PPM1H: variants seen among roughly 807,000 people sequenced by gnomAD.
PPM1H encodes protein phosphatase 1H.
PPM1H carries 27 observed loss-of-function variants against 54.9 expected under a neutral mutation model. The ratio of observed to expected loss-of-function variants is 0.49; its 90% CI spans 0.36 to 0.68. The LOEUF is 0.68. PPM1H is among the 30% of genes least tolerant of loss of function. The pLI is 0.00. For synonymous variants in PPM1H, 305 were observed against 270.8 expected, an observed-to-expected ratio of 1.13 and a Z score of -1.24; for missense variants, 596 against 667.8, an observed-to-expected ratio of 0.89 and a Z score of 1.19.
chr12:62,806,675 A>G (rs1160568137), intron 2 of PPM1H, among the ~76,000 whole-genome samples: 4 of 152,124 alleles, frequency 2.6e-5, no homozygotes, highest in Non-Finnish European at 5.9e-5. Flanking sequence ...CTGGCCATGT[A>G]AGATGTGCCT....
rs550385176 is a variant in PPM1H, at chr12:62,803,854, T to C, written c.412-1694A>G. 5.3e-5 allele frequency among the ~76,000 whole-genome samples: 8 copies of C among 152,158 alleles called. No homozygotes were observed. In the South Asian group the frequency reaches 1.7e-3, roughly 32 times the overall value. ...ACACAAGAAACTCCTACAATTCTATTGCAAACAAAACAAAACAAGCAAGCC... is the reference window on the plus strand; with the variant it reads ...ACACAAGAAACTCCTACAATTCTATCGCAAACAAAACAAAACAAGCAAGCC... On this transcript the variant is annotated intron_variant, in intron 2 of 9. Coordinates refer to ENST00000228705, the MANE Select transcript of PPM1H (RefSeq NM_020700.2).
intron 8 of PPM1H, among the ~76,000 whole-genome samples, chr12:62,678,103 T>C (rs1204984840): frequency 1.3e-5 from 2 of 152,136 alleles, no homozygotes; most frequent in Non-Finnish European, 2.9e-5. Flanking sequence ...CACACTACCA[T>C]GCCTGGCTAA....
chr12:62,734,335 A>G (rs1006660546), intron 5 of PPM1H, among the ~76,000 whole-genome samples: 3 of 152,262 alleles, frequency 2.0e-5, no homozygotes, highest in Middle Eastern at 3.4e-3. Flanking sequence ...ATGAAGACAG[A>G]TTTGTAGTGG....
chr12:62,656,820 G>T (rs1356360276), intron 9 of PPM1H, among the ~76,000 whole-genome samples: 1 of 152,118 alleles, frequency 6.6e-6, no homozygotes, highest in Non-Finnish European at 1.5e-5. Context: ...TGGAATGTTG[G>T]CAGGGGTCTA....
chr12:62,697,857 C>A (rs1240493618), intron 6 of PPM1H, among the ~76,000 whole-genome samples: 2 of 151,862 alleles, frequency 1.3e-5, no homozygotes, highest in African/African-American at 4.8e-5. Context: ...TACGAGATAG[C>A]AAAACTGAAA....
intron 4 of PPM1H, among the ~76,000 whole-genome samples, chr12:62,757,134 T>G (rs1332058484): frequency 6.6e-6 from 1 of 152,056 alleles, no homozygotes; most frequent in Non-Finnish European, 1.5e-5. Flanking sequence ...GAAGCCTCAG[T>G]GGGTTGGCTT....
At chr12:62,858,106 A>C in intron 1 of PPM1H, among the ~76,000 whole-genome samples, 1 of 145,794 alleles carries the variant, frequency 6.9e-6, no homozygotes, top group African/African-American at 2.6e-5. Flanking sequence ...GCCCCCTACC[A>C]CTCCCCAGAT....
intron 4 of PPM1H, among the ~76,000 whole-genome samples, chr12:62,761,888 G>A (rs2076511409): frequency 6.6e-6 from 1 of 152,200 alleles, no homozygotes; most frequent in Admixed American, 6.5e-5. Context: ...ACTGACCTCT[G>A]CAGACTGGTG....
At chr12:62,801,024 C>T (rs988945815) in intron 3 of PPM1H, among the ~76,000 whole-genome samples, 1 of 152,190 alleles carries the variant, frequency 6.6e-6, no homozygotes, top group African/African-American at 2.4e-5. Flanking sequence ...GATATTGGCC[C>T]CTGGCTCTGT....
chr12:62,732,736 T>C (rs2076329717), intron 5 of PPM1H, among the ~76,000 whole-genome samples: 1 of 152,048 alleles, frequency 6.6e-6, no homozygotes, highest in South Asian at 2.1e-4. Flanking sequence ...TACGCCCGGC[T>C]AATTTTTTTG....
At chr12:62,707,626 C>A (rs561351287) in intron 6 of PPM1H, among the ~76,000 whole-genome samples, 4 of 152,280 alleles carry the variant, frequency 2.6e-5, no homozygotes, top group Middle Eastern at 6.8e-3. Flanking sequence ...ATAAAATAGA[C>A]CCTGAAATGT....
At chr12:62,684,776 A>G (rs1261186299) in intron 8 of PPM1H, among the ~76,000 whole-genome samples, 2 of 152,122 alleles carry the variant, frequency 1.3e-5, no homozygotes, top group Non-Finnish European at 1.5e-5. Context: ...TGGGATAATG[A>G]GAGAGGAAGT....
At chr12:62,804,615 T>C (rs2076793390) in intron 2 of PPM1H, among the ~76,000 whole-genome samples, 1 of 151,946 alleles carries the variant, frequency 6.6e-6, no homozygotes, top group Admixed American at 6.6e-5. Flanking sequence ...GGTTGTCCCA[T>C]AGCTCATTAA....
At chr12:62,805,546 C>T (rs1172474127) in intron 2 of PPM1H, among the ~76,000 whole-genome samples, 3 of 152,066 alleles carry the variant, frequency 2.0e-5, no homozygotes, top group African/African-American at 7.2e-5. Context: ...CTGCCATTTG[C>T]AACAACATGA....
At chr12:62,915,453 C>G (rs1871592617) in intron 1 of PPM1H, among the ~76,000 whole-genome samples, 1 of 152,214 alleles carries the variant, frequency 6.6e-6, no homozygotes. Flanking sequence ...AGGAAACGTC[C>G]AGGTGATCAA....
In PPM1H at chr12:62,737,487, C is replaced by T. The variant is rs2076357150; in HGVS notation, c.954+15G>A. 1 of 1,524,696 alleles carries T rather than the reference C, an allele frequency of 6.6e-7. No individual in the cohort carries two copies. The highest frequency in any genetic ancestry group is 8.9e-7 in the Non-Finnish European group (1 of 1,120,038). 94.4% of individuals were successfully genotyped at this position (1,524,696 alleles called of 1,614,324 possible). A position where few individuals can be genotyped will look rare whatever the true frequency, so the allele number is the denominator to read the frequency against. ...CTGATGCCACTGCCCTCTGCCAAGC[C>T]TAGATGACTCTTACCAGGTACTGAA... On this transcript the variant is annotated intron_variant, in intron 5 of 9. Coordinates refer to ENST00000228705, the MANE Select transcript of PPM1H (RefSeq NM_020700.2).
chr12:62,872,636 T>G (rs552180384), intron 1 of PPM1H, among the ~76,000 whole-genome samples: 1 of 152,342 alleles, frequency 6.6e-6, no homozygotes, highest in African/African-American at 2.4e-5. Context: ...TTTGCATATG[T>G]TTTAGCAGTC....
At chr12:62,658,294 G>A (rs2075859126) in intron 9 of PPM1H, among the ~76,000 whole-genome samples, 1 of 150,552 alleles carries the variant, frequency 6.6e-6, no homozygotes, top group South Asian at 2.1e-4. Context: ...CTGGGCACTG[G>A]GAATGTGAAT....
chr12:62,671,061 C>T lies in PPM1H; in HGVS notation c.1246-3732G>A, dbSNP rs76130738. ...GGCTTCAAAGGATTCCACTGGGCTCCGGAGTCCTGACCTTCCCTCCCTGAA... is the reference window on the plus strand; with the variant it reads ...GGCTTCAAAGGATTCCACTGGGCTCTGGAGTCCTGACCTTCCCTCCCTGAA... On this transcript the variant is annotated intron_variant, in intron 8 of 9. Coordinates refer to ENST00000228705, the MANE Select transcript of PPM1H (RefSeq NM_020700.2). Among the ~76,000 whole-genome samples, 111 of 152,274 alleles carry T rather than the reference C, an allele frequency of 7.3e-4. 2 individuals carry two copies. In the East Asian group the frequency reaches 0.018, roughly 25 times the overall value.
Sources: allele counts gnomAD v4.1 joint callset (sites outside exome capture counted in the v4.1 genomes callset), GRCh38; gene constraint gnomAD v4.1.1; transcripts MANE v1.5; gene names NCBI Gene and HGNC (gene_info 2026-07-23, HGNC 2026-07-21).